ARSG: variants seen among roughly 807,000 people sequenced by gnomAD.
ARSG encodes the protein arylsulfatase G.
Under a neutral mutation model 50.5 loss-of-function variants are expected in ARSG, and 37 were observed. That is an observed-to-expected ratio of 0.73 (90% CI 0.56 to 0.96). The LOEUF (loss-of-function observed/expected upper bound fraction) is 0.96, where lower values mean the gene tolerates loss of function less well. ARSG is among the 50% of genes least tolerant of loss of function. The pLI is 0.00. For synonymous variants in ARSG, 225 were observed against 254.6 expected (o/e 0.88, Z 1.11); for missense variants, 629 against 675.3 (o/e 0.93, Z 0.76).
intron 5 of ARSG, among the ~76,000 whole-genome samples, chr17:68,354,021 TC>T (rs1290716697): frequency 4.0e-5 from 5 of 125,880 alleles, no homozygotes; most frequent in Non-Finnish European, 8.8e-5. Flanking sequence ...TTCTTCTTGT[TC>T]TTTTTTTTTT....
At chr17:68,310,191 C>T (rs781873264) in intron 2 of ARSG, among the ~76,000 whole-genome samples, 2 of 152,020 alleles carry the variant, frequency 1.3e-5, no homozygotes, top group Non-Finnish European at 2.9e-5. Flanking sequence ...AACTCCCAAC[C>T]TCAGGTGATC....
chr17:68,283,638 T>C (rs1568416945), intron 1 of ARSG, among the ~76,000 whole-genome samples: 2 of 151,542 alleles, frequency 1.3e-5, no homozygotes, highest in South Asian at 4.2e-4. Context: ...CTGACCAACA[T>C]GGAGAAACGC....
intron 9 of ARSG, among the ~76,000 whole-genome samples, chr17:68,392,449 T>C (rs2081038773): frequency 6.6e-6 from 1 of 152,204 alleles, no homozygotes; most frequent in Non-Finnish European, 1.5e-5. Context: ...TTCTCTCTTT[T>C]ATATTTCCGG....
At chr17:68,372,832 T>TG (rs1371063080) in intron 8 of ARSG, among the ~76,000 whole-genome samples, 1 of 150,720 alleles carries the variant, frequency 6.6e-6, no homozygotes, top group Non-Finnish European at 1.5e-5. Flanking sequence ...ACCTAGAAAC[T>TG]GAAGCATTGT....
At chr17:68,397,255 G>T in intron 10 of ARSG, among the ~76,000 whole-genome samples, 1 of 152,272 alleles carries the variant, frequency 6.6e-6, no homozygotes, top group South Asian at 2.1e-4. Context: ...GTATGATGGC[G>T]TGGTTAATGC....
intron 1 of ARSG, among the ~76,000 whole-genome samples, chr17:68,259,658 T>G (rs1199654400): frequency 6.6e-6 from 1 of 152,230 alleles, no homozygotes; most frequent in Non-Finnish European, 1.5e-5. Context: ...ATCCAAAATA[T>G]TATTTCAATC....
At chr17:68,352,512 C>CT (rs368506056) in intron 5 of ARSG, among the ~76,000 whole-genome samples, 49,590 of 139,692 alleles carry the variant, frequency 0.35, 10,204 homozygotes, top group Non-Finnish European at 0.47. Flanking sequence ...TTTTTTCTTT[C>CT]TTTTTTTTTT....
chr17:68,434,986 G>A, the ARSG span, among the ~76,000 whole-genome samples: 1 of 152,102 alleles, frequency 6.6e-6, no homozygotes, highest in Non-Finnish European at 1.5e-5. Context: ...TGGATTGCCT[G>A]AGCTCAGGAA....
rs188295760 is a variant in ARSG at position 68,403,999 on chromosome 17, G to A, written c.1303+2549G>A. Among the ~76,000 whole-genome samples the A allele has an allele frequency of 3.6e-3, 553 of 152,222 alleles. 4 individuals are homozygous for A. Among genetic ancestry groups the A allele is most frequent in the South Asian group, 0.014 (66 of 4,788 alleles). ...TTGTGATAGTTTGCTGAGAATGATG[G>A]TTTCCAGGTTCATCCATGTCCCTAC... On this transcript the variant is annotated intron_variant, in intron 11 of 11. Coordinates refer to ENST00000621439, the MANE Select transcript of ARSG (RefSeq NM_001267727.2).
chr17:68,321,927 T>C (rs1406711184), intron 2 of ARSG, among the ~76,000 whole-genome samples: 1 of 152,148 alleles, frequency 6.6e-6, no homozygotes, highest in Non-Finnish European at 1.5e-5. Context: ...TTATTGCTTA[T>C]TAATTAGTCC....
chr17:68,364,527 T>G (rs1013409201), intron 6 of ARSG, among the ~76,000 whole-genome samples: 1 of 152,082 alleles, frequency 6.6e-6, no homozygotes, highest in African/African-American at 2.4e-5. Flanking sequence ...GCCTGGCTAA[T>G]TTTTGTATTT....
chr17:68,329,654 C>A (rs530828427), intron 2 of ARSG, among the ~76,000 whole-genome samples: 2 of 152,170 alleles, frequency 1.3e-5, no homozygotes, highest in African/African-American at 2.4e-5. Context: ...GTGCTGACTT[C>A]GAATTTGCTT....
At chr17:68,368,328 A>G (rs1200258074) in intron 6 of ARSG, among the ~76,000 whole-genome samples, 1 of 152,248 alleles carries the variant, frequency 6.6e-6, no homozygotes, top group Non-Finnish European at 1.5e-5. Context: ...CTCTCAGTAA[A>G]TGATAAGGGA....
intron 1 of ARSG, chr17:68,278,301 T>C (rs1555751705): frequency 1.2e-6 from 2 of 1,613,224 alleles, no homozygotes; most frequent in Non-Finnish European, 1.7e-6. Flanking sequence ...GGAACAAAGC[T>C]TTAATTTATT....
intron 1 of ARSG, among the ~76,000 whole-genome samples, chr17:68,285,388 G>A (rs957182385): frequency 4.6e-5 from 7 of 151,792 alleles, no homozygotes; most frequent in East Asian, 1.9e-4. Flanking sequence ...TCCTGGGCTC[G>A]TGCAGGGCAC....
chr17:68,317,902 C>G (rs951134833), intron 2 of ARSG, among the ~76,000 whole-genome samples: 2 of 152,226 alleles, frequency 1.3e-5, no homozygotes, highest in Non-Finnish European at 2.9e-5. Context: ...AGTTCAAGAC[C>G]AGCCTGGCCA....
chr17:68,275,542 G>GACTA (rs2075485823), intron 1 of ARSG, among the ~76,000 whole-genome samples: 1 of 152,058 alleles, frequency 6.6e-6, no homozygotes, highest in Non-Finnish European at 1.5e-5. Flanking sequence ...ATTTCTTGTT[G>GACTA]ACTACATTTT....
chr17:68,342,553 T>C (rs1242214789), intron 2 of ARSG, among the ~76,000 whole-genome samples: 2 of 151,562 alleles, frequency 1.3e-5, no homozygotes, highest in Non-Finnish European at 2.9e-5. Flanking sequence ...AGAGACAGGG[T>C]TTCACCATGT....
chr17:68,426,043 G>A, downstream of ARSG: 1 of 1,590,440 alleles, frequency 6.3e-7, no homozygotes, highest in Non-Finnish European at 8.6e-7. Context: ...CACACAGACT[G>A]AGCCGCCCAG....
Sources: allele counts gnomAD v4.1 joint callset (sites outside exome capture counted in the v4.1 genomes callset), GRCh38; gene constraint gnomAD v4.1.1; transcripts MANE v1.5; gene names NCBI Gene and HGNC (gene_info 2026-07-23, HGNC 2026-07-21).